GPRIN2: variants seen among roughly 807,000 people sequenced by gnomAD.
GPRIN2 encodes the protein G protein-regulated inducer of neurite outgrowth 2.
Under a neutral mutation model 0.3 loss-of-function variants are expected in GPRIN2, and 1 was observed. The ratio of observed to expected loss-of-function variants is 3.90; its 90% CI spans 1.39 to 18.51. GPRIN2 has a LOEUF of 18.51. Among genes scored for constraint, GPRIN2 ranks in the 30% most tolerant of loss-of-function variants. The pLI is 0.11. For synonymous variants in GPRIN2, 361 were observed against 258.6 expected, an observed-to-expected ratio of 1.40 and a Z score of -3.80; for missense variants, 880 against 604.2, an observed-to-expected ratio of 1.46 and a Z score of -4.79.
At chr10:46,551,738 G>A (rs1842636734) in intron 2 of GPRIN2, among the ~76,000 whole-genome samples, 1 of 152,306 alleles carries the variant, frequency 6.6e-6, no homozygotes, top group African/African-American at 2.4e-5. Flanking sequence ...AGACCACCCT[G>A]GACCTGGCAG....
chr10:46,549,926 G>C lies in GPRIN2; in HGVS notation c.811C>G (p.Gln271Glu). 1 of 1,614,286 alleles carries C rather than the reference G, an allele frequency of 6.2e-7. No individual in the cohort carries two copies. The highest frequency in any genetic ancestry group is 1.1e-5 in the South Asian group (1 of 91,092). ...LVASVSESGL[Q>E]AQHGVKIHCR... ...TGGATCTTCACCCCATGCTGAGCCT[G>C]CAGCCCAGACTCGCTCACTGACGCC... Residue 271 changes from glutamine (Q) to glutamate (E), a missense_variant, in exon 3 of 3, where the codon CAG becomes GAG. Gln to Glu is a conservative substitution (Grantham distance 29, BLOSUM62 2). Transcript: ENST00000374314.
rs1832589503 is a variant in GPRIN2 at position 46,549,787 on chromosome 10, G to A, written c.950C>T (p.Thr317Ile). 5 of 1,614,164 alleles carry A rather than the reference G, an allele frequency of 3.1e-6. No homozygotes were observed. Among genetic ancestry groups the A allele is most frequent in the South Asian group, 1.1e-5 (1 of 91,092 alleles). Reference protein sequence around the residue: ...GSRTKDVWTMTSANDLAPAEA... With the variant: ...GSRTKDVWTMISANDLAPAEA... ...TGCAGGGGCCAAGTCATTGGCTGAG[G>A]TCATGGTCCACACATCTTTGGTCCT... The change falls in exon 3 of 3, where the codon ACC (threonine) becomes ATC (isoleucine). Residue 317 changes from threonine (T) to isoleucine (I), a missense_variant. Thr to Ile is a moderately conservative substitution (Grantham distance 89, BLOSUM62 -1). Transcript: ENST00000374314.
Position 46,550,573 on chromosome 10 carries a change from G to C in GPRIN2, c.164C>G (p.Ala55Gly). The change falls in exon 3 of 3, where the codon GCC becomes GGC. Residue 55 changes from alanine to glycine, a missense_variant. Transcript: ENST00000374314. ...STVWQAQLGE[A>G]STRPQAPEEE... ...CTCCGGGGCCTGGGGTCTGGTGCTG[G>C]CCTCGCCCAGCTGGGCCTGCCACAC... 6.3e-7 allele frequency: 1 copy of C among 1,585,170 alleles called. No homozygotes were observed.
intron 2 of GPRIN2, among the ~76,000 whole-genome samples, chr10:46,552,192 T>C (rs1842690463): frequency 6.6e-6 from 1 of 152,306 alleles, no homozygotes. Context: ...GGTGTTCAGG[T>C]GGAGAGCGGA....
chr10:46,556,491 C>T lies in GPRIN2; in HGVS notation c.-118+7G>A, dbSNP rs1843248294. Among the ~76,000 whole-genome samples the T allele has an allele frequency of 6.6e-6, 1 of 152,276 alleles. No homozygotes were observed. Among genetic ancestry groups the T allele is most frequent in the Non-Finnish European group, 1.5e-5 (1 of 68,040 alleles). On this transcript the variant is annotated splice_region_variant and intron_variant, in intron 1 of 2. Coordinates refer to ENST00000374314, the MANE Select transcript of GPRIN2 (RefSeq NM_001385282.1). ...CCCAACGGGAGCGCGCGGAGCCAGC[C>T]TCTCACCCTCTCGCCCGCCGGGGCC...
Position 46,548,138 on chromosome 10 carries a change from G to C in GPRIN2, c.*1222C>G, listed in dbSNP as rs1456538753. The stretch of plus-strand genomic sequence containing the variant: ...CGGGTGGATTGGGGGGCTGTGTCAC[G>C]GGATCTTAGGATCTTCAAGACAAAG... On this transcript the variant is annotated 3_prime_UTR_variant, in exon 3 of 3. Coordinates refer to ENST00000374314, the MANE Select transcript of GPRIN2 (RefSeq NM_001385282.1). Among the ~76,000 whole-genome samples, 1 of 152,306 alleles carries C rather than the reference G, an allele frequency of 6.6e-6. No individual in the cohort carries two copies. Among genetic ancestry groups the C allele is most frequent in the African/African-American group, 2.4e-5 (1 of 41,486 alleles).
At position 46,550,687 on chromosome 10, in the gene GPRIN2, C is replaced by T. The variant is rs144446753; in HGVS notation, c.50G>A (p.Arg17His). 2.6e-5 allele frequency: 40 copies of T among 1,519,578 alleles called. No homozygotes were observed. Among genetic ancestry groups the T allele is most frequent in the East Asian group, 1.8e-4 (8 of 43,456 alleles). 94.1% of individuals were successfully genotyped at this position (1,519,578 alleles called of 1,614,324 possible). The change falls in exon 3 of 3, where the codon CGC becomes CAC. Residue 17 changes from arginine (R) to histidine (H), a missense_variant. Arg to His is a conservative substitution (Grantham distance 29). Transcript: ENST00000374314. ...EPGPWAPLSPRLQPLSQSSSS... is the reference protein window; with the variant it reads ...EPGPWAPLSPHLQPLSQSSSS... ...AGAGCTCTGGGACAGGGGCTGAAGG[C>T]GGGGGCTCAGGGGTGCCCAGGGACC... is the stretch of plus-strand genomic sequence containing the variant.
chr10:46,550,441 G>A lies in GPRIN2; in HGVS notation c.296C>T (p.Ser99Phe), dbSNP rs1832364588. Residue 99 changes from serine to phenylalanine, a missense_variant, in exon 3 of 3, where the codon TCC becomes TTC. Transcript: ENST00000374314. ...ACACAGGTCACTGCCGCCCATGGTGGACACATTGCCCACAGTGCTGCTCCA... is the reference window on the plus strand; with the variant it reads ...ACACAGGTCACTGCCGCCCATGGTGAACACATTGCCCACAGTGCTGCTCCA... ...HWWSSTVGNV[S>F]TMGGSDLCRL... 7 of 1,611,730 alleles carry A rather than the reference G, an allele frequency of 4.3e-6. No homozygotes were observed. In the African/African-American group the frequency reaches 5.3e-5, roughly 12 times the overall value.
Position 46,544,662 on chromosome 10 carries a change from G to T in GPRIN2, c.*4698C>A, listed in dbSNP as rs1403146491. Among the ~76,000 whole-genome samples the T allele has an allele frequency of 1.3e-5, 2 of 152,308 alleles. No homozygotes were observed. The highest frequency in any genetic ancestry group is 4.1e-4 in the South Asian group (2 of 4,838). ...TAAGCTTGCTGTTGCTCTCAGACTT[G>T]CAGAACAACCTATTAAACAGAAGTA... On this transcript the variant is annotated 3_prime_UTR_variant, in exon 3 of 3. Coordinates refer to ENST00000374314, the MANE Select transcript of GPRIN2 (RefSeq NM_001385282.1).
Position 46,549,491 on chromosome 10 carries a change from C to A in GPRIN2, c.1246G>T (p.Glu416Ter), listed in dbSNP as rs1832700229. The A allele has an allele frequency of 6.2e-7, 1 of 1,612,912 alleles. No individual in the cohort carries two copies. Among genetic ancestry groups the A allele is most frequent in the Non-Finnish European group, 8.5e-7 (1 of 1,179,306 alleles). The change falls in exon 3 of 3, where the codon GAG (glutamate) becomes TAG (stop). Residue 416 changes from glutamate (E) to a stop codon, truncating the protein, a stop_gained. Coordinates refer to ENST00000374314, the MANE Select transcript of GPRIN2 (RefSeq NM_001385282.1). LOFTEE classifies it low-confidence loss of function (END_TRUNC). ...AIQKHLEMQFEQLQRAPASED... is the reference protein window; with the variant it reads ...AIQKHLEMQF ...CTGGCGGGCGCCCGCTGCAGCTGCT[C>A]AAACTGCATCTCCAGGTGCTTCTGG... is the stretch of plus-strand genomic sequence containing the variant.
At position 46,550,392 on chromosome 10, in the gene GPRIN2, A is replaced by C. The variant is rs1832386332; in HGVS notation, c.345T>G (p.Ala115=). 3.1e-6 allele frequency: 5 copies of C among 1,611,984 alleles called. No individual in the cohort carries two copies. The African/African-American group carries it at 6.7e-5, about 22-fold the overall frequency. Residue 115 remains alanine (A), a synonymous_variant, in exon 3 of 3, where the codon GCT becomes GCG. Transcript: ENST00000374314. ...GGTCTGAATGGCTCCTCTGCATAGCAGCAGCACTAGGGGCCCGCAGGCGAC... is the reference window on the plus strand; with the variant it reads ...GGTCTGAATGGCTCCTCTGCATAGCCGCAGCACTAGGGGCCCGCAGGCGAC... ...DLCRLRAPSA[A]AMQRSHSDLV... is the part of the protein sequence containing the mutation.
In GPRIN2 at chr10:46,548,847, G is replaced by A. The variant is rs1842400975; in HGVS notation, c.*513C>T. On this transcript the variant is annotated 3_prime_UTR_variant, in exon 3 of 3. Coordinates refer to ENST00000374314, the MANE Select transcript of GPRIN2 (RefSeq NM_001385282.1). Reference sequence around the variant, plus strand: ...TTGCCAAATGAAGGCTTGCCAGGATGAAGAGGTGAAGACAGGACAAGCACA... The same window carrying A: ...TTGCCAAATGAAGGCTTGCCAGGATAAAGAGGTGAAGACAGGACAAGCACA... Among the ~76,000 whole-genome samples, 5 of 152,312 alleles carry A rather than the reference G, an allele frequency of 3.3e-5. No individual in the cohort carries two copies. Among genetic ancestry groups the A allele is most frequent in the African/African-American group, 1.2e-4 (5 of 41,488 alleles).
chr10:46,557,347 G>A (rs988904797), upstream of GPRIN2, among the ~76,000 whole-genome samples: 4 of 152,404 alleles, frequency 2.6e-5, no homozygotes, highest in East Asian at 5.8e-4. Context: ...CCTGGCCCCC[G>A]GAGCCCTCCA....
At chr10:46,556,310 G>A (rs1843214301) in intron 1 of GPRIN2, among the ~76,000 whole-genome samples, 188 bp downstream of exon 1, 1 of 152,304 alleles carries the variant, frequency 6.6e-6, no homozygotes, top group Non-Finnish European at 1.5e-5. Context: ...GACAGGACAG[G>A]ACAATGAGAG....
rs1370617590 is a variant in GPRIN2 at position 46,543,116 on chromosome 10, T to C, written c.*6244A>G. Among the ~76,000 whole-genome samples, 1 of 152,308 alleles carries C rather than the reference T, an allele frequency of 6.6e-6. No individual in the cohort carries two copies. Among genetic ancestry groups the C allele is most frequent in the African/African-American group, 2.4e-5 (1 of 41,486 alleles). On this transcript the variant is annotated 3_prime_UTR_variant, in exon 3 of 3. Coordinates refer to ENST00000374314, the MANE Select transcript of GPRIN2 (RefSeq NM_001385282.1). ...GAGACCTCCCTCTGTAAGGAGATGC[T>C]CAGATGTTTTGGTTTGTGTCCAAAG...
upstream of GPRIN2, among the ~76,000 whole-genome samples, chr10:46,557,497 A>AGCC (rs1843366804): frequency 5.3e-5 from 8 of 152,310 alleles, no homozygotes; most frequent in Non-Finnish European, 1.2e-4. Context: ...TCAGTCTCCC[A>AGCC]GCCGCGGACC....
intron 1 of GPRIN2, chr10:46,555,478 G>A (rs1024555310): frequency 6.5e-6 from 1 of 153,650 alleles, no homozygotes; most frequent in Non-Finnish European, 1.4e-5. Context: ...AGTGAACGGG[G>A]CCTGATAGGA....
rs1842481925 is a variant in GPRIN2 at position 46,550,223 on chromosome 10, G to T, written c.514C>A (p.Leu172Met). The T allele has an allele frequency of 6.2e-7, 1 of 1,604,180 alleles. No individual in the cohort carries two copies. ...TCCTCAGGAGCCAGGTCCCTTTCCA[G>T]GCCTGCAGGGGCCTGGCCACCCTGG... ...SGQGGQAPAG[L>M]ERDLAPEDET... Residue 172 changes from leucine to methionine, a missense_variant, in exon 3 of 3, where the codon CTG becomes ATG. Physicochemically the swap from Leu to Met is conservative, Grantham distance 15. Transcript: ENST00000374314.
chr10:46,547,788 C>T lies in GPRIN2; in HGVS notation c.*1572G>A, dbSNP rs1025093944. Among the ~76,000 whole-genome samples the T allele has an allele frequency of 6.6e-6, 1 of 152,310 alleles. No homozygotes were observed. The highest frequency in any genetic ancestry group is 6.5e-5 in the Admixed American group (1 of 15,294). Reference sequence around the variant, plus strand: ...GCACCATACACAAAGGGACTGACAGCCCCAGAATCCCAAGGGGTGCACCTA... The same window carrying T: ...GCACCATACACAAAGGGACTGACAGTCCCAGAATCCCAAGGGGTGCACCTA... On this transcript the variant is annotated 3_prime_UTR_variant, in exon 3 of 3. Transcript: ENST00000374314.
Sources: gnomAD v4.1 joint callset for allele counts (sites outside exome capture counted in the v4.1 genomes callset) on GRCh38, gnomAD v4.1.1 for gene constraint, MANE v1.5 for transcripts, NCBI Gene and HGNC (gene_info 2026-07-23, HGNC 2026-07-21) for gene names.